The following PLB1 variants were observed in gnomAD, a reference collection of about 807,000 sequenced individuals.
PLB1 encodes the protein phospholipase B1.
PLB1 carries 242 observed loss-of-function variants against 227.4 expected under a neutral mutation model. The observed-to-expected ratio is 1.06, with a 90% CI of 0.96 to 1.18. The LOEUF is 1.18. Among genes scored for constraint, PLB1 ranks in the 50% most tolerant of loss-of-function variants. The probability of loss-of-function intolerance (pLI) is 0.00; values close to 1 mark genes in which losing one functional copy is unlikely to be tolerated. For synonymous variants in PLB1, 757 were observed against 682.2 expected (o/e 1.11, Z -1.71); for missense variants, 1,858 against 1,816.3 (o/e 1.02, Z -0.42).
intron 33 of PLB1, 152 bp from the exon 34 acceptor site, chr2:28,597,853 C>T: frequency 2.7e-6 from 2 of 741,840 alleles, no homozygotes; most frequent in Non-Finnish European, 4.7e-6. Flanking sequence ...AAAATTTTCT[C>T]AGAATTCCTC....
At chr2:28,610,527 C>CCT (rs1685293351) in intron 43 of PLB1, among the ~76,000 whole-genome samples, 1 of 152,168 alleles carries the variant, frequency 6.6e-6, no homozygotes, top group South Asian at 2.1e-4. Flanking sequence ...TGTCCTCCTG[C>CCT]CTCTGACTGC....
chr2:28,548,875 G>A lies in PLB1; in HGVS notation c.952G>A (p.Glu318Lys). The A allele has an allele frequency of 6.2e-7, 1 of 1,614,150 alleles. No homozygotes were observed. Among genetic ancestry groups the A allele is most frequent in the Non-Finnish European group, 8.5e-7 (1 of 1,180,012 alleles). ...LWNRMMEPAG[E>K]KDEPLSVKHG... The stretch of plus-strand genomic sequence containing the variant: ...TCCTTTCTAGATGGAGCCAGCAGGA[G>A]AGAAAGATGAGCCATTGAGTGTAAA... Residue 318 changes from glutamate (E) to lysine (K), a missense_variant, in exon 15 of 58, where the codon GAG (glutamate) becomes AAG (lysine). Physicochemically the swap from Glu to Lys is moderately conservative, Grantham distance 56. Coordinates refer to ENST00000327757, the MANE Select transcript of PLB1 (RefSeq NM_153021.5).
rs111333391 is a variant in PLB1, at chr2:28,539,014, A to G, written c.619-85A>G. On this transcript the variant is annotated intron_variant, in intron 10 of 57. Transcript: ENST00000327757. ...GCCCATCACACTCAACCACACCCCA[A>G]CGGGGCCCAAGCAGGAGTTCCAGAA... The G allele has an allele frequency of 4.8e-4, 530 of 1,093,296 alleles. No homozygotes were observed. The African/African-American group carries it at 7.0e-3, about 14-fold the overall frequency. 67.7% of individuals were successfully genotyped at this position (1,093,296 alleles called of 1,614,324 possible).
chr2:28,601,885 C>G lies in PLB1; in HGVS notation c.2608-14C>G. The G allele has an allele frequency of 6.3e-7, 1 of 1,592,668 alleles. No homozygotes were observed. Among genetic ancestry groups the G allele is most frequent in the Non-Finnish European group, 8.6e-7 (1 of 1,160,718 alleles). On this transcript the variant is annotated splice_polypyrimidine_tract_variant and intron_variant, in intron 37 of 57. Coordinates refer to ENST00000327757, the MANE Select transcript of PLB1 (RefSeq NM_153021.5). ...AACCAGTTCCTCCTTTTCCTCCTTC[C>G]TGTCTCTTTCTAGAATCTGTATTCT...
chr2:28,617,658 T>C, intron 44 of PLB1, 69 bp from the exon 45 acceptor site: 1 of 1,493,590 alleles, frequency 6.7e-7, no homozygotes, highest in Non-Finnish European at 9.3e-7. Flanking sequence ...AGCTGGTTCT[T>C]CTTGGGCTGA....
intron 37 of PLB1, 38 bp downstream of exon 37, chr2:28,601,370 A>T (rs1683852459): frequency 3.8e-6 from 6 of 1,580,070 alleles, no homozygotes; most frequent in Non-Finnish European, 5.2e-6. Flanking sequence ...TGTTGTTCCT[A>T]ACTTTGCCCA....
chr2:28,576,637 C>A (rs545953523), intron 21 of PLB1, among the ~76,000 whole-genome samples: 1 of 151,938 alleles, frequency 6.6e-6, no homozygotes, highest in Non-Finnish European at 1.5e-5. Flanking sequence ...GGCTGAGGCA[C>A]GAGAATTGCT....
intron 8 of PLB1, 94 bp downstream of exon 8, chr2:28,529,873 C>T (rs1410298106): frequency 2.7e-5 from 33 of 1,230,468 alleles, no homozygotes; most frequent in Non-Finnish European, 3.6e-5. Flanking sequence ...ACCATTTTAC[C>T]ATGAACTCGG....
intron 12 of PLB1, among the ~76,000 whole-genome samples, chr2:28,541,427 A>G (rs1012043127): frequency 2.6e-5 from 4 of 152,224 alleles, no homozygotes; most frequent in African/African-American, 9.6e-5. Context: ...GGGCCCTGCC[A>G]CACGCTGGGC....
intron 56 of PLB1, among the ~76,000 whole-genome samples, chr2:28,636,051 G>GTGTA (rs1454693789): frequency 8.7e-6 from 1 of 114,896 alleles, no homozygotes; most frequent in Non-Finnish European, 1.9e-5. Flanking sequence ...GTATGTATGT[G>GTGTA]TATGTGTGTA....
chr2:28,612,011 T>C (rs2148315341), intron 43 of PLB1, among the ~76,000 whole-genome samples: 1 of 152,200 alleles, frequency 6.6e-6, no homozygotes, highest in East Asian at 1.9e-4. Flanking sequence ...CCATTTGTGG[T>C]GGCAGGTGCC....
intron 33 of PLB1, among the ~76,000 whole-genome samples, chr2:28,596,414 T>C (rs1256894631): frequency 1.3e-5 from 2 of 152,244 alleles, no homozygotes; most frequent in African/African-American, 4.8e-5. Flanking sequence ...TCATAGCCTG[T>C]TGGTCTTGAT....
chr2:28,505,756 G>T (rs1667572058), intron 1 of PLB1, among the ~76,000 whole-genome samples: 1 of 152,206 alleles, frequency 6.6e-6, no homozygotes, highest in South Asian at 2.1e-4. Context: ...TTCTAAATAA[G>T]AGTAGAAAGG....
chr2:28,525,237 C>A, intron 4 of PLB1, 30 bp from the exon 5 acceptor site: 1 of 1,610,198 alleles, frequency 6.2e-7, no homozygotes, highest in Middle Eastern at 2.0e-4. Context: ...CCTCCCCTGG[C>A]TGGGTGTTAA....
At chr2:28,598,372 A>G (rs192852868) in intron 34 of PLB1, among the ~76,000 whole-genome samples, 1 of 152,288 alleles carries the variant, frequency 6.6e-6, no homozygotes, top group East Asian at 1.9e-4. Flanking sequence ...GTGCTGAGAC[A>G]AATTAGGTAG....
At chr2:28,582,706 G>A (rs1009613214) in intron 25 of PLB1, among the ~76,000 whole-genome samples, 4 of 152,118 alleles carry the variant, frequency 2.6e-5, no homozygotes, top group African/African-American at 9.7e-5. Flanking sequence ...ACCTCAGGGT[G>A]TGCATGGGGA....
intron 17 of PLB1, among the ~76,000 whole-genome samples, chr2:28,554,437 C>T (rs1463311716): frequency 3.3e-5 from 5 of 149,556 alleles, no homozygotes; most frequent in African/African-American, 1.2e-4. Context: ...AAGTGATCCT[C>T]CTGCCTCAGC....
chr2:28,593,771 A>G lies in PLB1; in HGVS notation c.2321+17A>G. On this transcript the variant is annotated intron_variant, in intron 33 of 57. Coordinates refer to ENST00000327757, the MANE Select transcript of PLB1 (RefSeq NM_153021.5). The stretch of plus-strand genomic sequence containing the variant: ...GTCATACAGGTAATGTTAACCTTTG[A>G]CCTCTCCCAGCGTTCCCCCCACAAC... 1 of 1,606,624 alleles carries G rather than the reference A, an allele frequency of 6.2e-7. No individual in the cohort carries two copies. Among genetic ancestry groups the G allele is most frequent in the Non-Finnish European group, 8.5e-7 (1 of 1,174,516 alleles).
chr2:28,569,060 C>T (rs1677553874), intron 20 of PLB1, among the ~76,000 whole-genome samples: 1 of 152,190 alleles, frequency 6.6e-6, no homozygotes, highest in Admixed American at 6.5e-5. Context: ...TATCCCCAAA[C>T]CTCAAGGAAT....
Sources: allele counts gnomAD v4.1 joint callset (sites outside exome capture counted in the v4.1 genomes callset), GRCh38; gene constraint gnomAD v4.1.1; transcripts MANE v1.5; gene names NCBI Gene and HGNC (gene_info 2026-07-23, HGNC 2026-07-21).